MKS1: variants seen among roughly 807,000 people sequenced by gnomAD.
MKS1 encodes the protein tectonic-like complex member MKS1.
In MKS1, 70 loss-of-function variants were observed where a neutral mutation model predicts 83.7. The observed-to-expected ratio is 0.84, with a 90% CI of 0.69 to 1.02. The LOEUF (loss-of-function observed/expected upper bound fraction) is 1.02. Ranked by LOEUF, MKS1 falls within the 50% of genes least tolerant of loss-of-function variation. The pLI, the probability that MKS1 is intolerant of heterozygous loss-of-function variation, is 0.00. For missense variants in MKS1, 681 were observed against 726.9 expected, an observed-to-expected ratio of 0.94 and a Z score of 0.73; for synonymous variants, 251 against 273.4, an observed-to-expected ratio of 0.92 and a Z score of 0.81.
At chr17:58,213,247 A>G (rs1161961183) in intron 7 of MKS1, among the ~76,000 whole-genome samples, 157 bp from the exon 8 acceptor site, 1 of 152,200 alleles carries the variant, frequency 6.6e-6, no homozygotes, top group Non-Finnish European at 1.5e-5. Flanking sequence ...AGAGAAACAA[A>G]AGGGTAAAGC....
chr17:58,207,097 T>C lies in MKS1; in HGVS notation c.1395A>G (p.Pro465=). Residue 465 remains proline, a synonymous_variant, in exon 15 of 18, where the codon CCA becomes CCG. Transcript: ENST00000393119. Reference sequence around the variant, plus strand: ...AGACAAAAGTCACCTTGAAGGATCCTGGTATCCGTACATAGGAGAGGTCCT... The same window carrying C: ...AGACAAAAGTCACCTTGAAGGATCCCGGTATCCGTACATAGGAGAGGTCCT... The part of the protein sequence containing the change: ...ELEDLSYVRI[P]GSFKGERLSR... The C allele has an allele frequency of 1.9e-6, 3 of 1,614,146 alleles. No individual in the cohort carries two copies. The highest frequency in any genetic ancestry group is 2.5e-6 in the Non-Finnish European group (3 of 1,180,022).
At chr17:58,219,129 G>A (rs759858978) in intron 1 of MKS1, 22 bp downstream of exon 1, 1 of 1,550,534 alleles carries the variant, frequency 6.4e-7, no homozygotes. Context: ...ATGGGGCCTC[G>A]GGGCTGGGGC....
intron 5 of MKS1, 89 bp downstream of exon 5, chr17:58,214,652 T>G: frequency 1.5e-6 from 2 of 1,357,802 alleles, no homozygotes; most frequent in East Asian, 5.1e-5. Flanking sequence ...ACTTGAATAC[T>G]ATATATAACC....
Position 58,213,106 on chromosome 17 carries a change from C to A in MKS1, c.750-16G>T. On this transcript the variant is annotated splice_polypyrimidine_tract_variant and intron_variant, in intron 7 of 17. Transcript: ENST00000393119. ...CGTCTCAATCCTGTAAGGTCAAAAC[C>A]ACAGAAAGGAGCAACTCTAATAATG... 1 of 1,612,228 alleles carries A rather than the reference C, an allele frequency of 6.2e-7. No homozygotes were observed.
chr17:58,207,354 A>T (rs1968584154), intron 14 of MKS1, 136 bp from the exon 15 acceptor site: 4 of 1,238,984 alleles, frequency 3.2e-6, no homozygotes, highest in Non-Finnish European at 3.4e-6. Flanking sequence ...GGTGCAGGTT[A>T]TCATGGTTAC....
Position 58,214,728 on chromosome 17 carries a change from T to G in MKS1, c.515+13A>C. The G allele has an allele frequency of 6.2e-7, 1 of 1,603,198 alleles. No individual in the cohort carries two copies. The highest frequency in any genetic ancestry group is 8.5e-7 in the Non-Finnish European group (1 of 1,179,018). ...AAGTAAAAGCTTGTCCCCCATCCCATGCCCGCACTCACATCCCTCGCCTGT... is the reference window on the plus strand; with the variant it reads ...AAGTAAAAGCTTGTCCCCCATCCCAGGCCCGCACTCACATCCCTCGCCTGT... On this transcript the variant is annotated intron_variant, in intron 5 of 17. Transcript: ENST00000393119.
rs749001732 is a variant in MKS1 at position 58,210,649 on chromosome 17, T to C, written c.1024+10A>G. 8.2e-5 allele frequency: 132 copies of C among 1,610,894 alleles called. No homozygotes were observed. Among genetic ancestry groups the C allele is most frequent in the Non-Finnish European group, 1.1e-4 (131 of 1,177,236 alleles). ...GGGTATAAAAGGAGAGACTTAAGAA[T>C]ATTACTTACGAGCAGTTGGCAATTC... On this transcript the variant is annotated intron_variant, in intron 11 of 17. Coordinates refer to ENST00000393119, the MANE Select transcript of MKS1 (RefSeq NM_017777.4).
At chr17:58,218,196 C>T (rs1487524913) in intron 2 of MKS1, among the ~76,000 whole-genome samples, 2 of 152,168 alleles carry the variant, frequency 1.3e-5, no homozygotes, top group Non-Finnish European at 2.9e-5. Context: ...CGCCTGTAAT[C>T]CCAGCACTTT....
rs757400825 is a variant in MKS1 at position 58,212,985 on chromosome 17, C to T, written c.855G>A (p.Lys285=). The T allele has an allele frequency of 6.2e-7, 1 of 1,614,092 alleles. No individual in the cohort carries two copies. Among genetic ancestry groups the T allele is most frequent in the Non-Finnish European group, 8.5e-7 (1 of 1,179,946 alleles). The change falls in exon 8 of 18, where the codon AAG becomes AAA. Residue 285 remains lysine (K), a synonymous_variant. Coordinates refer to ENST00000393119, the MANE Select transcript of MKS1 (RefSeq NM_017777.4). Reference sequence around the variant, plus strand: ...CTTGGAATGAACTTGCGCTTACATCCTTGAACACTCGCCGTTCCCGCTCCT... The same window carrying T: ...CTTGGAATGAACTTGCGCTTACATCTTTGAACACTCGCCGTTCCCGCTCCT... ...EEEERERRVF[K]DLYGRHKEYL... is the part of the protein sequence containing the mutation.
chr17:58,208,429 C>T, intron 12 of MKS1, 84 bp downstream of exon 12: 1 of 1,501,604 alleles, frequency 6.7e-7, no homozygotes, highest in African/African-American at 1.4e-5. Flanking sequence ...CCAGGGCGCA[C>T]AGCACTTGGC....
intron 1 of MKS1, 23 bp downstream of exon 1, chr17:58,219,128 C>CGGGGCT (rs1203489465): frequency 1.3e-6 from 2 of 1,550,344 alleles, no homozygotes; most frequent in Non-Finnish European, 1.7e-6. Context: ...CATGGGGCCT[C>CGGGGCT]GGGGCTGGGG....
At chr17:58,213,731 C>T (rs1472576946) in intron 7 of MKS1, 34 bp downstream of exon 7, 3 of 1,511,138 alleles carry the variant, frequency 2.0e-6, no homozygotes, top group East Asian at 4.5e-5. Flanking sequence ...GGAAGGAATG[C>T]CAGTCTCCAC....
At chr17:58,215,957 G>T in intron 4 of MKS1, 131 bp downstream of exon 4, 1 of 1,134,888 alleles carries the variant, frequency 8.8e-7, no homozygotes, top group Non-Finnish European at 1.3e-6. Flanking sequence ...AGCAGCAGCA[G>T]CTCACAGCAG....
At chr17:58,218,478 A>C in intron 2 of MKS1, 142 bp downstream of exon 2, 2 of 412,824 alleles carry the variant, frequency 4.8e-6, no homozygotes, top group Non-Finnish European at 8.9e-6. Flanking sequence ...AAAAAAAAAA[A>C]AAGCCACAAA....
In MKS1 at chr17:58,210,797, G is replaced by C. The variant is rs942536047; in HGVS notation, c.959-73C>G. On this transcript the variant is annotated intron_variant, in intron 10 of 17. Coordinates refer to ENST00000393119, the MANE Select transcript of MKS1 (RefSeq NM_017777.4). ...TTAGCACCCAACCCAATCCTGAGGG[G>C]CCTACACACCCTGAGAGCAAGTCTT... 1.7e-5 allele frequency: 26 copies of C among 1,492,580 alleles called. No individual in the cohort carries two copies. In the East Asian group the frequency reaches 5.2e-4, roughly 30 times the overall value. 92.5% of individuals were successfully genotyped at this position (1,492,580 alleles called of 1,614,324 possible). A position where few individuals can be genotyped will look rare whatever the true frequency, so the allele number is the denominator to read the frequency against.
At position 58,206,384 on chromosome 17, in the gene MKS1, C is replaced by A. The variant is rs1555596758; in HGVS notation, c.1491-4G>T. The A allele has an allele frequency of 1.2e-6, 2 of 1,614,120 alleles. No homozygotes were observed. Among genetic ancestry groups the A allele is most frequent in the Non-Finnish European group, 1.7e-6 (2 of 1,179,998 alleles). ...GGAGCTCGATTCCATGAAGGCCCTG[C>A]AGGGAGGCCAGCCACATGGTTACGG... On this transcript the variant is annotated splice_region_variant and splice_polypyrimidine_tract_variant and intron_variant, in intron 16 of 17. Transcript: ENST00000393119.
At chr17:58,217,216 C>T (rs1157475865) in intron 2 of MKS1, among the ~76,000 whole-genome samples, 1 of 152,212 alleles carries the variant, frequency 6.6e-6, no homozygotes, top group Non-Finnish European at 1.5e-5. Flanking sequence ...CTTGAATTCC[C>T]GACCTCAGGT....
At chr17:58,218,372 C>A (rs1969364579) in intron 2 of MKS1, among the ~76,000 whole-genome samples, 1 of 138,722 alleles carries the variant, frequency 7.2e-6, no homozygotes. Flanking sequence ...CGCGTGAACC[C>A]GGGAGGCGGA....
chr17:58,218,957 G>A (rs1969425107), intron 1 of MKS1, 194 bp downstream of exon 1: 2 of 895,594 alleles, frequency 2.2e-6, no homozygotes, highest in Non-Finnish European at 3.5e-6. Context: ...AGACGTGAAT[G>A]GACTTGGGTA....
Sources: gnomAD v4.1 joint callset for allele counts (sites outside exome capture counted in the v4.1 genomes callset) on GRCh38, gnomAD v4.1.1 for gene constraint, MANE v1.5 for transcripts, NCBI Gene and HGNC (gene_info 2026-07-23, HGNC 2026-07-21) for gene names.